Variants in PHF3 observed in about 807,000 individuals in gnomAD.
The protein encoded by PHF3 is PHD finger protein 3.
In PHF3, 41 loss-of-function variants were observed where a neutral mutation model predicts 178.4. That is an observed-to-expected ratio of 0.23 (90% CI 0.18 to 0.30). The LOEUF (loss-of-function observed/expected upper bound fraction) is 0.30. Ranked by LOEUF, PHF3 falls within the 10% of genes least tolerant of loss-of-function variation. The pLI, the probability that PHF3 is intolerant of heterozygous loss-of-function variation, is 1.00. For missense variants in PHF3, 2,346 were observed against 2,398.1 expected, an observed-to-expected ratio of 0.98 and a Z score of 0.45; for synonymous variants, 842 against 800.5, an observed-to-expected ratio of 1.05 and a Z score of -0.88.
chr6:63,652,350 T>C (rs1293466341), intron 2 of PHF3, among the ~76,000 whole-genome samples: 1 of 152,208 alleles, frequency 6.6e-6, no homozygotes, highest in African/African-American at 2.4e-5. Context: ...TTTTGAAAGA[T>C]GTCTTTTCAG....
Position 63,685,465 on chromosome 6 carries a change from G to A in PHF3, c.1743G>A (p.Gln581=), listed in dbSNP as rs761585295. 1.2e-6 allele frequency: 2 copies of A among 1,613,950 alleles called. No individual in the cohort carries two copies. Among genetic ancestry groups the A allele is most frequent in the Non-Finnish European group, 1.7e-6 (2 of 1,179,974 alleles). Residue 581 remains glutamine (Q), a synonymous_variant, in exon 4 of 16, where the codon CAG becomes CAA. Transcript: ENST00000262043. The part of the protein sequence containing the change: ...QAHSVLKKTL[Q]DQTLVQIFKP... ...ATTCTGTACTGAAAAAAACATTACA[G>A]GATCAAACTTTAGTACAAATTTTCA...
At chr6:63,706,253 T>TG in intron 12 of PHF3, 29 bp downstream of exon 12, 3 of 1,532,698 alleles carry the variant, frequency 2.0e-6, no homozygotes, top group Non-Finnish European at 2.7e-6. Context: ...AATTCTGTAA[T>TG]ACTCATTATA....
In PHF3 at chr6:63,720,867, A is replaced by G; in HGVS notation, c.*7159A>G. ...ACTGTTATTTATGTAGGCCTTGATAAGAGTCTGATTTTGAATTACAACTAC... is the reference window on the plus strand; with the variant it reads ...ACTGTTATTTATGTAGGCCTTGATAGGAGTCTGATTTTGAATTACAACTAC... On this transcript the variant is annotated 3_prime_UTR_variant, in exon 16 of 16. Transcript: ENST00000262043. 1 of 1,551,206 alleles carries G rather than the reference A, an allele frequency of 6.4e-7. No individual in the cohort carries two copies. Among genetic ancestry groups the G allele is most frequent in the African/African-American group, 1.4e-5 (1 of 73,152 alleles).
At position 63,719,656 on chromosome 6, in the gene PHF3, T is replaced by G. The variant is rs142516227; in HGVS notation, c.*5948T>G. ...AGTTATGCTATCAACAGTACTAAATTGTTAGGATAGTAATTTTCCATGGCA... is the reference window on the plus strand; with the variant it reads ...AGTTATGCTATCAACAGTACTAAATGGTTAGGATAGTAATTTTCCATGGCA... On this transcript the variant is annotated 3_prime_UTR_variant, in exon 16 of 16. Coordinates refer to ENST00000262043, the MANE Select transcript of PHF3 (RefSeq NM_001370348.2). Among the ~76,000 whole-genome samples the G allele has an allele frequency of 2.9e-3, 441 of 152,212 alleles. 5 individuals carry two copies. The highest frequency in any genetic ancestry group is 0.01 in the African/African-American group (428 of 41,564).
At chr6:63,674,149 T>C (rs529456128) in intron 2 of PHF3, among the ~76,000 whole-genome samples, 16 of 151,912 alleles carry the variant, frequency 1.1e-4, no homozygotes, top group Non-Finnish European at 2.1e-4. Context: ...CAAGCTTTTT[T>C]AGTAACCATG....
chr6:63,688,695 C>G, intron 4 of PHF3, among the ~76,000 whole-genome samples: 1 of 152,080 alleles, frequency 6.6e-6, no homozygotes, highest in Non-Finnish European at 1.5e-5. Context: ...TACTTTGATA[C>G]ATTGTGCTTG....
chr6:63,648,075 A>AAT (rs1300901625), intron 2 of PHF3, among the ~76,000 whole-genome samples: 1 of 152,200 alleles, frequency 6.6e-6, no homozygotes, highest in African/African-American at 2.4e-5. Context: ...TGAGGACCTC[A>AAT]ACACTGGCTA....
intron 1 of PHF3, among the ~76,000 whole-genome samples, chr6:63,644,440 A>G (rs113822315): frequency 0.017 from 2,562 of 152,234 alleles, 30 homozygotes; most frequent in Middle Eastern, 0.034. Flanking sequence ...TTGGTGTTGT[A>G]TGATAATCGA....
In PHF3 at chr6:63,719,773, A is replaced by G. The variant is rs1041603169; in HGVS notation, c.*6065A>G. 3.3e-5 allele frequency among the ~76,000 whole-genome samples: 5 copies of G among 152,118 alleles called. No individual in the cohort carries two copies. The highest frequency in any genetic ancestry group is 7.2e-5 in the African/African-American group (3 of 41,460). On this transcript the variant is annotated 3_prime_UTR_variant, in exon 16 of 16. Transcript: ENST00000262043. ...TTAAGGTTAATTTTTTAATTTGATC[A>G]GTTAATATGAGTACATGGTTTTAAA...
At chr6:63,690,022 A>G (rs1019040984) in intron 4 of PHF3, among the ~76,000 whole-genome samples, 17 of 152,300 alleles carry the variant, frequency 1.1e-4, no homozygotes, top group Non-Finnish European at 2.2e-4. Context: ...TACAATGCTC[A>G]TTACAAATAA....
At chr6:63,639,402 C>T (rs1764481498) in intron 1 of PHF3, among the ~76,000 whole-genome samples, 1 of 151,986 alleles carries the variant, frequency 6.6e-6, no homozygotes, top group Non-Finnish European at 1.5e-5. Context: ...GCTTTTCCTC[C>T]AATGATGTTC....
At chr6:63,684,089 ATAGCTAAG>A (rs1180182254) in intron 3 of PHF3, 32 bp from the exon 4 acceptor site, 1 of 1,415,232 alleles carries the variant, frequency 7.1e-7, no homozygotes, top group Non-Finnish European at 9.6e-7. Context: ...ACATGACAAA[ATAGCTAAG>A]TATTTTTATT....
chr6:63,695,540 T>G (rs1002432348), intron 6 of PHF3, among the ~76,000 whole-genome samples: 4 of 152,294 alleles, frequency 2.6e-5, no homozygotes, highest in Admixed American at 2.6e-4. Context: ...TCATGGGACC[T>G]TTGGGGCTAT....
rs143155631 is a variant in PHF3 at position 63,685,154 on chromosome 6, G to A, written c.1432G>A (p.Val478Ile). 2.5e-5 allele frequency: 41 copies of A among 1,613,862 alleles called. No homozygotes were observed. The South Asian group carries it at 2.6e-4, about 10-fold the overall frequency. ...QDDRNSQSSSVSYLESKSVKS... is the reference protein window; with the variant it reads ...QDDRNSQSSSISYLESKSVKS... The stretch of plus-strand genomic sequence containing the variant: ...TGACAGAAACAGCCAGTCAAGTAGC[G>A]TTTCTTACTTAGAGTCAAAAAGTGT... The change falls in exon 4 of 16, where the codon GTT becomes ATT. Residue 478 changes from valine to isoleucine, a missense_variant. Val to Ile is a conservative substitution (Grantham distance 29). Coordinates refer to ENST00000262043, the MANE Select transcript of PHF3 (RefSeq NM_001370348.2).
chr6:63,659,320 G>A (rs1305656726), intron 2 of PHF3, among the ~76,000 whole-genome samples: 1 of 152,160 alleles, frequency 6.6e-6, no homozygotes, highest in Non-Finnish European at 1.5e-5. Flanking sequence ...CTCAGAAGAT[G>A]ATAAATTATT....
intron 2 of PHF3, among the ~76,000 whole-genome samples, chr6:63,653,189 T>G (rs999406108): frequency 5.9e-5 from 9 of 151,264 alleles, no homozygotes; most frequent in Admixed American, 2.0e-4. Context: ...ATTGTTTTTT[T>G]TGTGTGGTTT....
Position 63,646,772 on chromosome 6 carries a change from A to G in PHF3, c.221A>G (p.Asn74Ser), listed in dbSNP as rs1210490668. The change falls in exon 2 of 16, where the codon AAT becomes AGT. Residue 74 changes from asparagine to serine, a missense_variant. Physicochemically the swap from Asn to Ser is conservative, Grantham distance 46. Transcript: ENST00000262043. Reference sequence around the variant, plus strand: ...CCTGTTTTGGATAGCAATGATCCCAATTTCCAGATGCCTTGTTCAACAGGT... The same window carrying G: ...CCTGTTTTGGATAGCAATGATCCCAGTTTCCAGATGCCTTGTTCAACAGGT... The part of the protein sequence containing the change: ...CLPVLDSNDP[N>S]FQMPCSTVVG... 9.2e-6 allele frequency: 14 copies of G among 1,528,260 alleles called. No homozygotes were observed. The highest frequency in any genetic ancestry group is 1.1e-5 in the Non-Finnish European group (13 of 1,136,720). The allele number at this position is 1,528,260 out of a possible 1,614,324, so 94.7% of individuals were successfully genotyped here. A position where few individuals can be genotyped will look rare whatever the true frequency, so the allele number is the denominator to read the frequency against.
Position 63,712,622 on chromosome 6 carries a change from A to C in PHF3, c.5034A>C (p.Lys1678Asn), listed in dbSNP as rs1237468237. ...GAGATAGTTGCCGGAATGGAGAAAAACACATGCTGCCTGGCCTGTCACACA... is the reference window on the plus strand; with the variant it reads ...GAGATAGTTGCCGGAATGGAGAAAACCACATGCTGCCTGGCCTGTCACACA... ...KDGDSCRNGE[K>N]HMLPGLSHNK... Residue 1678 changes from lysine to asparagine, a missense_variant, in exon 16 of 16, where the codon AAA becomes AAC. By Grantham distance (94) the Lys-to-Asn change is moderately conservative. This residue lies in a region of PHF3 where 839 missense variants were observed against 806.9 expected (regional missense o/e 1.04). Coordinates refer to ENST00000262043, the MANE Select transcript of PHF3 (RefSeq NM_001370348.2). 1 of 1,613,916 alleles carries C rather than the reference A, an allele frequency of 6.2e-7. No individual in the cohort carries two copies. Among genetic ancestry groups the C allele is most frequent in the South Asian group, 1.1e-5 (1 of 91,070 alleles).
intron 2 of PHF3, among the ~76,000 whole-genome samples, chr6:63,670,622 T>G (rs1765875670): frequency 6.6e-6 from 1 of 152,186 alleles, no homozygotes; most frequent in South Asian, 2.1e-4. Flanking sequence ...TTGCTGAGGA[T>G]AACTTCCTGA....
Sources: allele counts gnomAD v4.1 joint callset (sites outside exome capture counted in the v4.1 genomes callset), GRCh38; gene constraint gnomAD v4.1.1; regional missense constraint gnomAD v4.1.1; transcripts MANE v1.5; gene names NCBI Gene and HGNC (gene_info 2026-07-23, HGNC 2026-07-21).